The following MAGI1 variants were observed in gnomAD, a reference collection of about 807,000 sequenced individuals.
MAGI1 encodes the protein membrane-associated guanylate kinase, WW and PDZ domain-containing protein 1.
A neutral mutation model predicts 139.9 loss-of-function variants in MAGI1; 58 were observed. The observed-to-expected ratio is 0.41, with a 90% CI of 0.34 to 0.52. The LOEUF (loss-of-function observed/expected upper bound fraction) is 0.52, where lower values mean the gene tolerates loss of function less well. Among genes scored for constraint, MAGI1 ranks in the 20% least tolerant of loss-of-function variants. The pLI, the probability that MAGI1 is intolerant of heterozygous loss-of-function variation, is 0.12. For synonymous variants in MAGI1, 812 were observed against 737.9 expected, an observed-to-expected ratio of 1.10 and a Z score of -1.63; for missense variants, 1,874 against 1,901.6, an observed-to-expected ratio of 0.99 and a Z score of 0.27.
chr3:65,763,843 G>A (rs1386302674), intron 1 of MAGI1, among the ~76,000 whole-genome samples: 1 of 151,982 alleles, frequency 6.6e-6, no homozygotes, highest in Non-Finnish European at 1.5e-5. Context: ...GGCTGAGGCG[G>A]GAGGATCACT....
chr3:65,949,952 G>A (rs1291070494), intron 1 of MAGI1, among the ~76,000 whole-genome samples: 5 of 149,994 alleles, frequency 3.3e-5, no homozygotes, highest in Non-Finnish European at 7.4e-5. Flanking sequence ...AGGAGGCTGA[G>A]ATGGGAGGAT....
At chr3:65,691,077 C>A (rs577429962) in intron 1 of MAGI1, among the ~76,000 whole-genome samples, 1 of 151,702 alleles carries the variant, frequency 6.6e-6, no homozygotes, top group Non-Finnish European at 1.5e-5. Flanking sequence ...CCGGGGCAGG[C>A]GGATCACAAG....
intron 21 of MAGI1, 101 bp downstream of exon 21, chr3:65,363,364 A>C: frequency 7.4e-7 from 1 of 1,353,838 alleles, no homozygotes; most frequent in Non-Finnish European, 1.0e-6. Flanking sequence ...AAAGCTATAG[A>C]AAATGTAGTT....
chr3:65,717,417 A>T (rs1261227477), intron 1 of MAGI1: 1 of 152,214 alleles, frequency 6.6e-6, no homozygotes, highest in Non-Finnish European at 1.5e-5. Context: ...GAGATGAAGC[A>T]ATCTTTGAAC....
intron 1 of MAGI1, among the ~76,000 whole-genome samples, chr3:65,908,082 C>G (rs1381647018): frequency 6.6e-6 from 1 of 152,170 alleles, no homozygotes. Flanking sequence ...CCAAACGCCA[C>G]TCATAAACAA....
chr3:65,871,598 TGGAAACACAGCA>T (rs2059941149), intron 1 of MAGI1, among the ~76,000 whole-genome samples: 1 of 152,186 alleles, frequency 6.6e-6, no homozygotes, highest in South Asian at 2.1e-4. Flanking sequence ...CCAGTACAGC[TGGAAACACAGCA>T]GGTGGAGTGA....
intron 1 of MAGI1, among the ~76,000 whole-genome samples, chr3:65,634,481 A>T (rs1001916259): frequency 1.3e-5 from 2 of 152,200 alleles, no homozygotes; most frequent in African/African-American, 4.8e-5. Flanking sequence ...GCGAGGCTTG[A>T]TTAGTTCAGA....
chr3:65,508,184 A>G (rs1263636237), intron 2 of MAGI1, among the ~76,000 whole-genome samples: 1 of 151,992 alleles, frequency 6.6e-6, no homozygotes, highest in Admixed American at 6.6e-5. Flanking sequence ...CGGGCAGATC[A>G]CAAGGTCAGG....
chr3:65,723,531 C>T (rs1284313561), intron 1 of MAGI1, among the ~76,000 whole-genome samples: 2 of 139,682 alleles, frequency 1.4e-5, no homozygotes, highest in Non-Finnish European at 3.1e-5. Context: ...ATTTATACTC[C>T]TCAAAATTAT....
At chr3:65,785,707 GATAA>G (rs1332689439) in intron 1 of MAGI1, among the ~76,000 whole-genome samples, 3 of 152,186 alleles carry the variant, frequency 2.0e-5, no homozygotes, top group South Asian at 2.1e-4. Flanking sequence ...AAATGAATGA[GATAA>G]ATGAATGAAT....
At chr3:65,416,079 G>C (rs1946194870) in intron 12 of MAGI1, among the ~76,000 whole-genome samples, 1 of 152,166 alleles carries the variant, frequency 6.6e-6, no homozygotes, top group Non-Finnish European at 1.5e-5. Context: ...AAATACCTAA[G>C]AGCGTGTAGA....
intron 1 of MAGI1, among the ~76,000 whole-genome samples, chr3:65,703,474 A>G (rs2089758946): frequency 6.6e-6 from 1 of 152,244 alleles, no homozygotes; most frequent in South Asian, 2.1e-4. Flanking sequence ...CCCTTAGGCA[A>G]TTCTACCCAA....
intron 1 of MAGI1, among the ~76,000 whole-genome samples, chr3:65,725,338 G>A (rs567550797): frequency 6.6e-5 from 10 of 152,154 alleles, no homozygotes; most frequent in African/African-American, 2.4e-4. Context: ...GAGAGTAATG[G>A]GACCTATCTC....
intron 12 of MAGI1, among the ~76,000 whole-genome samples, chr3:65,427,001 G>C (rs1947091063): frequency 6.6e-6 from 1 of 152,162 alleles, no homozygotes. Context: ...TAAGAAGAGA[G>C]AATGCAAACA....
chr3:65,533,685 C>T (rs1315008642), intron 2 of MAGI1, among the ~76,000 whole-genome samples: 1 of 152,122 alleles, frequency 6.6e-6, no homozygotes, highest in Non-Finnish European at 1.5e-5. Context: ...AAGCTATATA[C>T]AGAGTTCTTT....
chr3:65,994,030 T>C (rs1323935459), intron 1 of MAGI1, among the ~76,000 whole-genome samples: 1 of 151,932 alleles, frequency 6.6e-6, no homozygotes, highest in African/African-American at 2.4e-5. Flanking sequence ...TCCCAGCACT[T>C]TGGGAGGCAG....
chr3:65,980,995 C>CT (rs1389159599), intron 1 of MAGI1, among the ~76,000 whole-genome samples: 1 of 151,808 alleles, frequency 6.6e-6, no homozygotes, highest in Non-Finnish European at 1.5e-5. Context: ...CCAGTCTCTA[C>CT]TAAAAATCCA....
chr3:65,963,313 T>TAAAAAAAAAAAAAAA (rs760893715), intron 1 of MAGI1, among the ~76,000 whole-genome samples: 11 of 104,198 alleles, frequency 1.1e-4, no homozygotes, highest in African/African-American at 4.5e-4. Flanking sequence ...CTCTGTCTCT[T>TAAAAAAAAAAAAAAA]AAAAAAAAAA....
intron 1 of MAGI1, among the ~76,000 whole-genome samples, chr3:65,817,329 T>C (rs1489686842): frequency 6.6e-6 from 1 of 152,204 alleles, no homozygotes. Flanking sequence ...CTGCAGTAAA[T>C]TATACTTAGC....
Sources: allele counts gnomAD v4.1 joint callset (sites outside exome capture counted in the v4.1 genomes callset), GRCh38; gene constraint gnomAD v4.1.1; transcripts MANE v1.5; gene names NCBI Gene and HGNC (gene_info 2026-07-23, HGNC 2026-07-21).